The following ADSS2 variants were observed in gnomAD, a reference collection of about 807,000 sequenced individuals.
ADSS2 encodes adenylosuccinate synthetase isozyme 2.
Under a neutral mutation model 60.0 loss-of-function variants are expected in ADSS2, and 30 were observed. The observed-to-expected ratio is 0.50, with a 90% confidence interval of 0.37 to 0.68. The LOEUF (loss-of-function observed/expected upper bound fraction) is 0.68, where lower values mean the gene tolerates loss of function less well. Among genes scored for constraint, ADSS2 ranks in the 30% least tolerant of loss-of-function variants. The pLI, the probability that ADSS2 is intolerant of heterozygous loss-of-function variation, is 0.00. For synonymous variants in ADSS2, 187 were observed against 193.1 expected (o/e 0.97, Z 0.26); for missense variants, 373 against 554.8 (o/e 0.67, Z 3.29).
At chr1:244,419,043 C>T (rs1183718186) in intron 8 of ADSS2, 129 bp from the exon 9 acceptor site, 10 of 820,284 alleles carry the variant, frequency 1.2e-5, no homozygotes, top group Non-Finnish European at 1.8e-5. Context: ...TAACTGCCCT[C>T]TCAAAGACTC....
intron 11 of ADSS2, among the ~76,000 whole-genome samples, chr1:244,414,151 ATC>A (rs761948880): frequency 1.3e-5 from 2 of 150,150 alleles, no homozygotes; most frequent in Non-Finnish European, 3.0e-5. Flanking sequence ...AGATAACAGA[ATC>A]TGAGTCTCTT....
At chr1:244,447,762 G>C (rs1399964489) in intron 1 of ADSS2, among the ~76,000 whole-genome samples, 1 of 152,114 alleles carries the variant, frequency 6.6e-6, no homozygotes, top group African/African-American at 2.4e-5. Context: ...TTAAATGTAT[G>C]CCACCAGTCA....
upstream of ADSS2, chr1:244,451,964 A>G: frequency 1.3e-6 from 1 of 785,664 alleles, no homozygotes; most frequent in African/African-American, 1.9e-5. The surrounding 1 kb of genome is among the most constrained non-coding windows in gnomAD (Gnocchi z 6.6). Flanking sequence ...GCCACCCTCC[A>G]GCCAGTCCCC....
chr1:244,421,048 TGCCAGGGCCACGA>T (rs1409314002), intron 7 of ADSS2, among the ~76,000 whole-genome samples: 1 of 5,556 alleles, frequency 1.8e-4, no homozygotes, highest in Non-Finnish European at 4.3e-4. Context: ...CGAGTTACAC[TGCCAGGGCCACGA>T]GTTACACTGC....
intron 7 of ADSS2, among the ~76,000 whole-genome samples, chr1:244,421,031 AGGGCCACGAGTTACACTGCC>A (rs1664664053): frequency 2.0e-4 from 1 of 5,098 alleles, no homozygotes. Flanking sequence ...AAATGTGGTG[AGGGCCACGAGTTACACTGCC>A]AGGGCCACGA....
At chr1:244,452,060 G>A (rs1441520777), upstream of ADSS2, 2 of 357,440 alleles carry the variant, frequency 5.6e-6, no homozygotes, top group African/African-American at 2.1e-5. Context: ...CGCAGGAAGA[G>A]GCCCTGGTGG....
chr1:244,446,040 G>C (rs1415614323), intron 1 of ADSS2, among the ~76,000 whole-genome samples: 1 of 152,194 alleles, frequency 6.6e-6, no homozygotes, highest in African/African-American at 2.4e-5. Context: ...TTACAGGAGA[G>C]AGCAGCAGTG....
At chr1:244,444,494 G>A (rs868690316) in intron 1 of ADSS2, among the ~76,000 whole-genome samples, 18 of 87,308 alleles carry the variant, frequency 2.1e-4, no homozygotes, top group East Asian at 1.0e-3. Flanking sequence ...CAGCCTGGGC[G>A]ACAGAGCGAG....
intron 4 of ADSS2, among the ~76,000 whole-genome samples, chr1:244,425,477 G>A (rs1463512334): frequency 6.6e-6 from 1 of 152,200 alleles, no homozygotes; most frequent in Non-Finnish European, 1.5e-5. Flanking sequence ...GGTAGCATCT[G>A]TAAAAGAACT....
rs374712751 is a variant in ADSS2 at position 244,426,006 on chromosome 1, T to C, written c.407-1619A>G. Reference sequence around the variant, plus strand: ...AGTGTGAAATGGTCATATAAGGGGATACTATATAGCAATGAAAAAGAATAA... The same window carrying C: ...AGTGTGAAATGGTCATATAAGGGGACACTATATAGCAATGAAAAAGAATAA... On this transcript the variant is annotated intron_variant, in intron 4 of 12. Coordinates refer to ENST00000366535, the MANE Select transcript of ADSS2 (RefSeq NM_001126.5). 2.6e-5 allele frequency among the ~76,000 whole-genome samples: 4 copies of C among 152,310 alleles called. No individual in the cohort carries two copies. The East Asian group carries it at 5.8e-4, about 22-fold the overall frequency.
chr1:244,451,706 A>G lies in ADSS2; in HGVS notation c.112T>C (p.Trp38Arg). ...ACCTTCCCTTTGCCTTCGTCGCCCCACTGCGCACCGAGCACCACCGTCACC... is the reference window on the plus strand; with the variant it reads ...ACCTTCCCTTTGCCTTCGTCGCCCCGCTGCGCACCGAGCACCACCGTCACC... ...NRVTVVLGAQWGDEGKGKVVD... is the reference protein window; with the variant it reads ...NRVTVVLGAQRGDEGKGKVVD... Residue 38 changes from tryptophan to arginine, a missense_variant, in exon 1 of 13, where the codon TGG becomes CGG. This residue lies in a region of ADSS2 where 29 missense variants were observed against 73.3 expected (regional missense o/e 0.40). Transcript: ENST00000366535. The surrounding 1 kb of genome is among the most constrained non-coding windows in gnomAD (Gnocchi z 6.6). 6.2e-7 allele frequency: 1 copy of G among 1,611,952 alleles called. No individual in the cohort carries two copies.
chr1:244,423,029 T>C (rs562997493), intron 6 of ADSS2, 113 bp from the exon 7 acceptor site: 1 of 637,736 alleles, frequency 1.6e-6, no homozygotes, highest in African/African-American at 1.9e-5. Context: ...AGCAAATTAA[T>C]CCTGAAACTG....
Position 244,420,156 on chromosome 1 carries a change from C to A in ADSS2, c.790+14G>T. The stretch of plus-strand genomic sequence containing the variant: ...CAGTTAAGCTCCCTTAACTATAAGT[C>A]ATATCTCACTTACCAAAATCAATAT... On this transcript the variant is annotated intron_variant, in intron 8 of 12. Transcript: ENST00000366535. 6.2e-7 allele frequency: 1 copy of A among 1,611,986 alleles called. No homozygotes were observed. Among genetic ancestry groups the A allele is most frequent in the South Asian group, 1.1e-5 (1 of 90,862 alleles).
chr1:244,444,697 C>T (rs1369403742), intron 1 of ADSS2, among the ~76,000 whole-genome samples: 1 of 151,676 alleles, frequency 6.6e-6, no homozygotes, highest in Non-Finnish European at 1.5e-5. Flanking sequence ...CTGATGTATG[C>T]TTTTAGTTTT....
chr1:244,417,480 A>T, intron 10 of ADSS2, 148 bp downstream of exon 10: 1 of 917,686 alleles, frequency 1.1e-6, no homozygotes, highest in Non-Finnish European at 1.6e-6. Context: ...CCTTCCCCCT[A>T]TATCTTGGTC....
intron 7 of ADSS2, 86 bp downstream of exon 7, chr1:244,422,749 C>A: frequency 9.8e-7 from 1 of 1,018,176 alleles, no homozygotes; most frequent in Non-Finnish European, 1.5e-6. Flanking sequence ...CAGTTCTTAC[C>A]CAAAGCCTGC....
chr1:244,415,949 A>G (rs1264353892), intron 11 of ADSS2, 32 bp downstream of exon 11: 1 of 1,457,708 alleles, frequency 6.9e-7, no homozygotes, highest in Non-Finnish European at 9.6e-7. Flanking sequence ...TCACCTTATA[A>G]TATCCTTTAG....
At chr1:244,433,244 G>C (rs1202504474) in intron 3 of ADSS2, among the ~76,000 whole-genome samples, 2 of 152,040 alleles carry the variant, frequency 1.3e-5, no homozygotes, top group Non-Finnish European at 2.9e-5. Flanking sequence ...TCACAAAAAA[G>C]GAAACACAAT....
intron 3 of ADSS2, among the ~76,000 whole-genome samples, chr1:244,435,526 TTCTCTTCCTCCTTCA>T (rs1665075708): frequency 6.6e-6 from 1 of 152,066 alleles, no homozygotes; most frequent in South Asian, 2.1e-4. Flanking sequence ...TTCCTCCTCC[TTCTCTTCCTCCTTCA>T]TCCTCCTCCT....
Sources: allele counts gnomAD v4.1 joint callset (sites outside exome capture counted in the v4.1 genomes callset), GRCh38; gene constraint gnomAD v4.1.1; regional missense constraint gnomAD v4.1.1; non-coding constraint Gnocchi (gnomAD v3.1); transcripts MANE v1.5; gene names NCBI Gene and HGNC (gene_info 2026-07-23, HGNC 2026-07-21).